Variants in KIF16B observed in about 807,000 individuals in gnomAD.
The protein encoded by KIF16B is kinesin family member 16B, also known as kinesin-like protein KIF16B.
A neutral mutation model predicts 156.3 loss-of-function variants in KIF16B; 98 were observed. That is an observed-to-expected ratio of 0.63 (90% CI 0.53 to 0.74). The LOEUF (loss-of-function observed/expected upper bound fraction) is 0.74. Ranked by LOEUF, KIF16B falls within the 30% of genes least tolerant of loss-of-function variation. The pLI, the probability that KIF16B is intolerant of heterozygous loss-of-function variation, is 0.00. For synonymous variants in KIF16B, 564 were observed against 583.7 expected (o/e 0.97, Z 0.49); for missense variants, 1,421 against 1,606.5 (o/e 0.88, Z 1.97).
chr20:16,523,480 A>T (rs937271615), intron 3 of KIF16B, among the ~76,000 whole-genome samples: 3 of 152,194 alleles, frequency 2.0e-5, no homozygotes, highest in African/African-American at 7.2e-5. Context: ...CTTACAAGGG[A>T]TGTGAAGGAC....
At chr20:16,431,027 C>A (rs1568973947) in intron 12 of KIF16B, among the ~76,000 whole-genome samples, 1 of 152,038 alleles carries the variant, frequency 6.6e-6, no homozygotes, top group Non-Finnish European at 1.5e-5. Context: ...TAAATACCAA[C>A]CTTTCCTGTT....
intron 7 of KIF16B, among the ~76,000 whole-genome samples, chr20:16,507,582 G>T (rs972483462): frequency 6.6e-6 from 1 of 152,136 alleles, no homozygotes; most frequent in South Asian, 2.1e-4. Context: ...CCATGGAGCG[G>T]TAATGAACTG....
At chr20:16,382,636 ATATT>A (rs1172075325) in intron 17 of KIF16B, among the ~76,000 whole-genome samples, 6 of 152,216 alleles carry the variant, frequency 3.9e-5, no homozygotes, top group African/African-American at 1.4e-4. Flanking sequence ...ATCAAATACT[ATATT>A]TAATTATCGC....
At chr20:16,525,999 A>C in intron 3 of KIF16B, 93 bp downstream of exon 3, 1 of 689,718 alleles carries the variant, frequency 1.4e-6, no homozygotes, top group South Asian at 2.6e-5. Context: ...ATTCAGAAAG[A>C]AATTGGCAAG....
In KIF16B at chr20:16,424,984, C is replaced by G. The variant is rs138243117; in HGVS notation, c.1612+2120G>C. ...ACTGAAATACAGATATTTCACAATA[C>G]CAATATAAACAGATATAGAAGTACA... On this transcript the variant is annotated intron_variant, in intron 15 of 25. Transcript: ENST00000354981. Among the ~76,000 whole-genome samples, 12 of 152,160 alleles carry G rather than the reference C, an allele frequency of 7.9e-5. No homozygotes were observed. In the East Asian group the frequency reaches 2.3e-3, roughly 29 times the overall value.
intron 16 of KIF16B, 141 bp from the exon 17 acceptor site, chr20:16,405,042 T>G: frequency 1.6e-6 from 1 of 640,302 alleles, no homozygotes; most frequent in Non-Finnish European, 2.8e-6. Flanking sequence ...CTGGTCTATC[T>G]GAGGAAAGCA....
At chr20:16,543,863 A>G (rs2070298632) in intron 1 of KIF16B, among the ~76,000 whole-genome samples, 1 of 152,150 alleles carries the variant, frequency 6.6e-6, no homozygotes, top group Non-Finnish European at 1.5e-5. Context: ...GACTTACTCA[A>G]AGCTCCCACT....
At chr20:16,474,466 T>C (rs932114714) in intron 12 of KIF16B, among the ~76,000 whole-genome samples, 1 of 152,220 alleles carries the variant, frequency 6.6e-6, no homozygotes. Flanking sequence ...TCCTTCCTTA[T>C]GAACAGAAAG....
At chr20:16,524,780 T>C (rs1292126952) in intron 3 of KIF16B, among the ~76,000 whole-genome samples, 1 of 152,184 alleles carries the variant, frequency 6.6e-6, no homozygotes, top group African/African-American at 2.4e-5. Flanking sequence ...CCAACCCGAA[T>C]GCCCATCAAT....
chr20:16,428,898 C>A (rs1427489036), intron 14 of KIF16B, 55 bp downstream of exon 14: 2 of 1,483,448 alleles, frequency 1.3e-6, no homozygotes, highest in Non-Finnish European at 1.9e-6. Context: ...AAAGTTCTTC[C>A]TTGAATACAA....
intron 23 of KIF16B, among the ~76,000 whole-genome samples, chr20:16,341,062 G>T (rs552758242): frequency 1.3e-5 from 2 of 152,156 alleles, no homozygotes; most frequent in East Asian, 3.9e-4. Context: ...TGCTACCATT[G>T]TGTGTGTGTG....
At chr20:16,360,588 T>TA (rs1176966381) in intron 22 of KIF16B, among the ~76,000 whole-genome samples, 2 of 152,130 alleles carry the variant, frequency 1.3e-5, no homozygotes, top group Non-Finnish European at 2.9e-5. Flanking sequence ...TATTTAGAAA[T>TA]AAAAAGTCAA....
At chr20:16,432,965 C>T (rs987462694) in intron 12 of KIF16B, among the ~76,000 whole-genome samples, 3 of 152,160 alleles carry the variant, frequency 2.0e-5, no homozygotes, top group African/African-American at 7.2e-5. Flanking sequence ...TCGGAGACTT[C>T]AGTAACATTG....
chr20:16,511,307 C>T, intron 6 of KIF16B, 111 bp downstream of exon 6: 1 of 560,766 alleles, frequency 1.8e-6, no homozygotes, highest in East Asian at 3.1e-5. Flanking sequence ...AATAAAATTC[C>T]AAAATTAAAT....
Position 16,386,966 on chromosome 20 carries a change from G to C in KIF16B, c.1785-5219C>G, listed in dbSNP as rs144451046. ...CCTATAGCATCCATAGTACAGGTAG[G>C]GGCAGTTAGTCTGAGAAAGGCAAAA... On this transcript the variant is annotated intron_variant, in intron 17 of 25. Coordinates refer to ENST00000354981, the MANE Select transcript of KIF16B (RefSeq NM_024704.5). Among the ~76,000 whole-genome samples the C allele has an allele frequency of 1.4e-3, 211 of 152,234 alleles. 1 individual carries two copies. Among genetic ancestry groups the C allele is most frequent in the African/African-American group, 4.7e-3 (197 of 41,536 alleles).
At chr20:16,358,579 T>C (rs2064490936) in intron 22 of KIF16B, among the ~76,000 whole-genome samples, 1 of 152,180 alleles carries the variant, frequency 6.6e-6, no homozygotes, top group Non-Finnish European at 1.5e-5. Flanking sequence ...GAAATGGGCA[T>C]GGTATTTATT....
chr20:16,314,253 G>T (rs1332067676), intron 24 of KIF16B, among the ~76,000 whole-genome samples: 2 of 152,156 alleles, frequency 1.3e-5, no homozygotes, highest in Non-Finnish European at 2.9e-5. Flanking sequence ...CAACTCTTTT[G>T]TCCATTTTTA....
intron 16 of KIF16B, 115 bp from the exon 17 acceptor site, chr20:16,405,016 C>T: frequency 1.4e-6 from 1 of 699,462 alleles, no homozygotes; most frequent in Non-Finnish European, 2.5e-6. Flanking sequence ...TCCTAATTAA[C>T]ACGCACCACA....
chr20:16,380,260 C>A (rs1230658610), intron 18 of KIF16B, 97 bp from the exon 19 acceptor site: 2 of 1,063,596 alleles, frequency 1.9e-6, no homozygotes, highest in South Asian at 3.4e-5. Context: ...ACAACCAGGT[C>A]AAAGCCTCCA....
Sources: gnomAD v4.1 joint callset for allele counts (sites outside exome capture counted in the v4.1 genomes callset) on GRCh38, gnomAD v4.1.1 for gene constraint, MANE v1.5 for transcripts, NCBI Gene and HGNC (gene_info 2026-07-23, HGNC 2026-07-21) for gene names.